Variants in CALD1 observed in about 807,000 individuals in gnomAD.
CALD1 encodes caldesmon 1.
CALD1 carries 33 observed loss-of-function variants against 99.9 expected under a neutral mutation model. That is an observed-to-expected ratio of 0.33 (90% CI 0.25 to 0.44). CALD1 has a LOEUF of 0.44. Among genes scored for constraint, CALD1 ranks in the 20% least tolerant of loss-of-function variants. CALD1 has a pLI of 1.00. For missense variants in CALD1, 861 were observed against 962.1 expected, an observed-to-expected ratio of 0.89 and a Z score of 1.39; for synonymous variants, 310 against 325.0, an observed-to-expected ratio of 0.95 and a Z score of 0.50.
chr7:134,928,567 A>C (rs1805239995), intron 3 of CALD1, among the ~76,000 whole-genome samples, 187 bp from the exon 4 acceptor site: 2 of 152,134 alleles, frequency 1.3e-5, no homozygotes, highest in South Asian at 4.2e-4. Flanking sequence ...ATGTTTTTCA[A>C]ATAGTTAAAA....
chr7:134,966,692 C>A (rs1808705044), intron 14 of CALD1, among the ~76,000 whole-genome samples: 1 of 151,908 alleles, frequency 6.6e-6, no homozygotes, highest in Admixed American at 6.6e-5. Flanking sequence ...ATGGTACTTT[C>A]TTTTAGGATG....
chr7:134,933,336 A>G lies in CALD1; in HGVS notation c.567A>G (p.Glu189=). The G allele has an allele frequency of 5.6e-6, 9 of 1,603,340 alleles. No individual in the cohort carries two copies. The highest frequency in any genetic ancestry group is 7.7e-6 in the Non-Finnish European group (9 of 1,174,840). Reference sequence around the variant, plus strand: ...AAGAAAACAAGAAAGAAGACAAGGAAAAGGAGGAGGAGGAAGAGGAGAAGC... The same window carrying G: ...AAGAAAACAAGAAAGAAGACAAGGAGAAGGAGGAGGAGGAAGAGGAGAAGC... ...DAEENKKEDK[E]KEEEEEEKPK... The change falls in exon 5 of 15, where the codon GAA becomes GAG. Residue 189 remains glutamate, a synonymous_variant. Coordinates refer to ENST00000361675, the MANE Select transcript of CALD1 (RefSeq NM_033138.4).
intron 5 of CALD1, among the ~76,000 whole-genome samples, chr7:134,934,707 C>G (rs905327421): frequency 6.6e-6 from 1 of 152,042 alleles, no homozygotes; most frequent in Admixed American, 6.6e-5. Context: ...CATGGTGAAA[C>G]CCCATCTCTA....
At chr7:134,914,177 C>G (rs932596330) in intron 3 of CALD1, among the ~76,000 whole-genome samples, 13 of 152,122 alleles carry the variant, frequency 8.5e-5, no homozygotes, top group African/African-American at 3.1e-4. Flanking sequence ...AAGTGAAAAT[C>G]CAATTTAATA....
At chr7:134,728,372 A>G in the CALD1 span, among the ~76,000 whole-genome samples, 2 of 152,174 alleles carry the variant, frequency 1.3e-5, no homozygotes, top group East Asian at 3.9e-4. Context: ...AGGTACAGAA[A>G]ACAGAAGTCA....
intron 1 of CALD1, among the ~76,000 whole-genome samples, chr7:134,766,253 C>T (rs1025348621): frequency 6.3e-5 from 9 of 142,654 alleles, no homozygotes; most frequent in Non-Finnish European, 1.2e-4. Context: ...CTGGGTTCAA[C>T]CGATTCTCCT....
intron 14 of CALD1, 115 bp from the exon 15 acceptor site, chr7:134,968,225 C>A: frequency 1.3e-6 from 1 of 799,936 alleles, no homozygotes; most frequent in Non-Finnish European, 2.2e-6. Flanking sequence ...AATATTTATT[C>A]CTGCCATACT....
chr7:134,855,115 A>G (rs2132243846), intron 2 of CALD1, among the ~76,000 whole-genome samples: 1 of 152,348 alleles, frequency 6.6e-6, no homozygotes, highest in East Asian at 1.9e-4. Context: ...TGATCCAATT[A>G]AAGTCTTTTC....
intron 2 of CALD1, among the ~76,000 whole-genome samples, chr7:134,857,318 C>T (rs1317635402): frequency 3.3e-5 from 5 of 151,794 alleles, no homozygotes; most frequent in Non-Finnish European, 5.9e-5. Flanking sequence ...TACAGATGCC[C>T]GCCACCACGC....
chr7:134,711,727 T>TGTGTCTCC, the CALD1 span, among the ~76,000 whole-genome samples: 12 of 87,316 alleles, frequency 1.4e-4, no homozygotes, highest in African/African-American at 5.4e-4. Flanking sequence ...TGTGTGTGTG[T>TGTGTCTCC]CTCTCTCTCT....
At chr7:134,894,008 C>A (rs772731546) in intron 3 of CALD1, among the ~76,000 whole-genome samples, 1 of 152,098 alleles carries the variant, frequency 6.6e-6, no homozygotes, top group African/African-American at 2.4e-5. Context: ...TGATAACAGA[C>A]AAAATGGGGT....
chr7:134,815,686 C>T (rs561731702), intron 1 of CALD1, among the ~76,000 whole-genome samples: 2 of 152,210 alleles, frequency 1.3e-5, no homozygotes, highest in South Asian at 2.1e-4. Flanking sequence ...CTTCTGGAAG[C>T]TAGCAAGGCC....
intron 1 of CALD1, among the ~76,000 whole-genome samples, chr7:134,767,183 C>G (rs78292739): frequency 0.036 from 4,902 of 137,370 alleles, 172 homozygotes; most frequent in East Asian, 0.11. Flanking sequence ...CACACTCTCT[C>G]TCTCTCTGTC....
chr7:134,916,961 C>G (rs539269295), intron 3 of CALD1, among the ~76,000 whole-genome samples: 1 of 152,190 alleles, frequency 6.6e-6, no homozygotes, highest in South Asian at 2.1e-4. Context: ...TCTTCAGATA[C>G]GAAAATAATG....
At chr7:134,929,908 A>G (rs1805403871) in intron 4 of CALD1, among the ~76,000 whole-genome samples, 1 of 151,672 alleles carries the variant, frequency 6.6e-6, no homozygotes, top group Non-Finnish European at 1.5e-5. Context: ...TAAATAAGGA[A>G]AAGTATTTAC....
chr7:134,904,044 G>C (rs371389645), intron 3 of CALD1, among the ~76,000 whole-genome samples: 2 of 151,834 alleles, frequency 1.3e-5, no homozygotes, highest in African/African-American at 4.9e-5. Flanking sequence ...TCAACATGGC[G>C]AAACCCCGTC....
At chr7:134,890,512 G>C (rs1170608675) in intron 3 of CALD1, among the ~76,000 whole-genome samples, 13 of 152,194 alleles carry the variant, frequency 8.5e-5, no homozygotes, top group Non-Finnish European at 4.4e-5. Flanking sequence ...ACTCTACATT[G>C]TGGAGATCGG....
At chr7:134,771,621 T>A (rs561626927) in intron 1 of CALD1, among the ~76,000 whole-genome samples, 116 of 152,166 alleles carry the variant, frequency 7.6e-4, no homozygotes, top group Non-Finnish European at 1.3e-3. Context: ...GTAGACACAG[T>A]GCTTTTTTTT....
At chr7:134,949,447 G>A (rs1286758976) in intron 8 of CALD1, among the ~76,000 whole-genome samples, 1 of 152,126 alleles carries the variant, frequency 6.6e-6, no homozygotes, top group East Asian at 1.9e-4. Flanking sequence ...TCTAGACTAG[G>A]AATGAAGACA....
Sources: gnomAD v4.1 joint callset for allele counts (sites outside exome capture counted in the v4.1 genomes callset) on GRCh38, gnomAD v4.1.1 for gene constraint, MANE v1.5 for transcripts, NCBI Gene and HGNC (gene_info 2026-07-23, HGNC 2026-07-21) for gene names.